DOK6: variants seen among roughly 807,000 people sequenced by gnomAD.
DOK6 encodes the protein downstream of tyrosine kinase 6.
DOK6 carries 22 observed loss-of-function variants against 44.0 expected under a neutral mutation model. The ratio of observed to expected loss-of-function variants is 0.50; its 90% confidence interval spans 0.36 to 0.71. The LOEUF is 0.71. Ranked by LOEUF, DOK6 falls within the 30% of genes least tolerant of loss-of-function variation. The pLI is 0.00. For missense variants in DOK6, 340 were observed against 416.4 expected, an observed-to-expected ratio of 0.82 and a Z score of 1.60; for synonymous variants, 166 against 145.5, an observed-to-expected ratio of 1.14 and a Z score of -1.01.
At position 69,745,322 on chromosome 18, in the gene DOK6, A is replaced by C. The variant is rs1485413275; in HGVS notation, c.738+6219A>C. Among the ~76,000 whole-genome samples, 10 of 152,230 alleles carry C rather than the reference A, an allele frequency of 6.6e-5. No homozygotes were observed. In the East Asian group the frequency reaches 7.7e-4, roughly 12 times the overall value. On this transcript the variant is annotated intron_variant, in intron 6 of 7. Transcript: ENST00000382713. ...TTTGCTGGAACTGAACAATATAAAG[A>C]AAGCTGCACAAGGATAGTTTTCTTA...
At chr18:69,811,524 TTATATATATATATATATATATATATATA>T (rs57486782) in intron 7 of DOK6, among the ~76,000 whole-genome samples, 2,820 of 93,770 alleles carry the variant, frequency 0.03, 95 homozygotes, top group Middle Eastern at 0.092. Context: ...AACCATTCCA[TTATATATATATATATATATATATATATA>T]TATATATATA....
At chr18:69,647,543 A>G (rs961426643) in intron 3 of DOK6, 1 of 152,236 alleles carries the variant, frequency 6.6e-6, no homozygotes, top group African/African-American at 2.4e-5. Context: ...TCATCAGGCT[A>G]AACAAGGTAC....
At chr18:69,696,839 C>T (rs1002378965) in intron 4 of DOK6, among the ~76,000 whole-genome samples, 1 of 152,158 alleles carries the variant, frequency 6.6e-6, no homozygotes, top group African/African-American at 2.4e-5. Context: ...GTTGGTTGCA[C>T]ATAAGAATTT....
intron 5 of DOK6, among the ~76,000 whole-genome samples, chr18:69,709,107 C>A (rs994695006): frequency 6.6e-6 from 1 of 152,094 alleles, no homozygotes; most frequent in Non-Finnish European, 1.5e-5. Context: ...TAGAACATTT[C>A]GTGAAATCTT....
chr18:69,514,688 A>T (rs1981466948), intron 1 of DOK6, among the ~76,000 whole-genome samples: 1 of 150,974 alleles, frequency 6.6e-6, no homozygotes, highest in South Asian at 2.1e-4. Context: ...CACATCTTTC[A>T]TCTAAACAAA....
At chr18:69,769,044 G>C (rs1979810681) in intron 7 of DOK6, among the ~76,000 whole-genome samples, 2 of 150,412 alleles carry the variant, frequency 1.3e-5, no homozygotes, top group African/African-American at 4.9e-5. Context: ...AGAAATTTTT[G>C]GTTGCCATTG....
At chr18:69,837,951 A>T (rs1382192404) in intron 7 of DOK6, among the ~76,000 whole-genome samples, 1 of 152,134 alleles carries the variant, frequency 6.6e-6, no homozygotes, top group Non-Finnish European at 1.5e-5. Context: ...TCTGTCTTTG[A>T]CCATCATTCA....
intron 3 of DOK6, among the ~76,000 whole-genome samples, chr18:69,634,050 A>T (rs1411101947): frequency 6.6e-6 from 1 of 152,032 alleles, no homozygotes; most frequent in East Asian, 1.9e-4. Flanking sequence ...GAATATAAGA[A>T]AGTTATCTCC....
At chr18:69,710,138 C>T (rs1599277474) in intron 5 of DOK6, among the ~76,000 whole-genome samples, 1 of 152,164 alleles carries the variant, frequency 6.6e-6, no homozygotes, top group East Asian at 1.9e-4. Context: ...ATGTTCATGC[C>T]ACTGCACTCT....
At chr18:69,744,011 A>T (rs918129072) in intron 6 of DOK6, among the ~76,000 whole-genome samples, 1 of 152,172 alleles carries the variant, frequency 6.6e-6, no homozygotes, top group Admixed American at 6.5e-5. Context: ...GCTGCCCTCC[A>T]GAGCTGTCAA....
chr18:69,563,281 C>A (rs1982884512), intron 1 of DOK6, among the ~76,000 whole-genome samples: 2 of 152,276 alleles, frequency 1.3e-5, no homozygotes, highest in Admixed American at 1.3e-4. Flanking sequence ...TGCCATTTGA[C>A]CCAGCCATCC....
chr18:69,745,164 T>C (rs921916969), intron 6 of DOK6, among the ~76,000 whole-genome samples: 8 of 152,184 alleles, frequency 5.3e-5, no homozygotes, highest in African/African-American at 1.7e-4. Flanking sequence ...TTCATGTATG[T>C]ATGTATGTAC....
intron 7 of DOK6, among the ~76,000 whole-genome samples, chr18:69,839,776 G>A (rs946551194): frequency 1.3e-5 from 2 of 152,194 alleles, no homozygotes; most frequent in African/African-American, 2.4e-5. Context: ...AGAAAGTTCT[G>A]GAAGCTCAGA....
intron 1 of DOK6, among the ~76,000 whole-genome samples, chr18:69,412,563 C>CA (rs139145005): frequency 0.084 from 12,760 of 151,908 alleles, 589 homozygotes; most frequent in Middle Eastern, 0.18. Flanking sequence ...TACATTTCAC[C>CA]GAATAATTTT....
chr18:69,700,216 C>CATATATATATATATATATATATATCT (rs61078235), intron 5 of DOK6, among the ~76,000 whole-genome samples: 1 of 124,762 alleles, frequency 8.0e-6, no homozygotes, highest in Non-Finnish European at 1.7e-5. Context: ...CATATATATA[C>CATATATATATATATATATATATATCT]ATATATATAT....
chr18:69,758,163 C>G (rs1438587043), intron 7 of DOK6, among the ~76,000 whole-genome samples: 1 of 152,234 alleles, frequency 6.6e-6, no homozygotes, highest in Non-Finnish European at 1.5e-5. Flanking sequence ...AAGCTAAAAG[C>G]TAATGCTGAG....
At chr18:69,838,238 A>T (rs2851963) in intron 7 of DOK6, among the ~76,000 whole-genome samples, 7 of 56,552 alleles carry the variant, frequency 1.2e-4, no homozygotes, top group East Asian at 7.7e-4. Context: ...CTAAAACTTT[A>T]AAAAAAAAAA....
chr18:69,650,325 T>C (rs1320629605), intron 3 of DOK6, among the ~76,000 whole-genome samples: 1 of 152,128 alleles, frequency 6.6e-6, no homozygotes, highest in Admixed American at 6.5e-5. Context: ...CTGGAAGTCA[T>C]CCAAAGGTTC....
intron 1 of DOK6, among the ~76,000 whole-genome samples, chr18:69,510,624 G>T (rs1476675207): frequency 6.6e-6 from 1 of 152,096 alleles, no homozygotes; most frequent in African/African-American, 2.4e-5. Flanking sequence ...CTATATATCT[G>T]TATATTGGCC....
Sources: gnomAD v4.1 joint callset for allele counts (sites outside exome capture counted in the v4.1 genomes callset) on GRCh38, gnomAD v4.1.1 for gene constraint, MANE v1.5 for transcripts, NCBI Gene and HGNC (gene_info 2026-07-23, HGNC 2026-07-21) for gene names.